Variants in STIM1 observed in about 807,000 individuals in gnomAD.
The protein encoded by STIM1 is stromal interaction molecule 1.
A neutral mutation model predicts 74.7 loss-of-function variants in STIM1; 25 were observed. That is an observed-to-expected ratio of 0.33 (90% confidence interval 0.24 to 0.47). The LOEUF (loss-of-function observed/expected upper bound fraction) is 0.47, where lower values mean the gene tolerates loss of function less well. Among genes scored for constraint, STIM1 ranks in the 20% least tolerant of loss-of-function variants. STIM1 has a pLI of 1.00. For missense variants in STIM1, 728 were observed against 920.8 expected, an observed-to-expected ratio of 0.79 and a Z score of 2.71; for synonymous variants, 328 against 348.8, an observed-to-expected ratio of 0.94 and a Z score of 0.66.
chr11:4,036,164 T>A (rs1028515344), intron 3 of STIM1, among the ~76,000 whole-genome samples: 1 of 152,234 alleles, frequency 6.6e-6, no homozygotes, highest in Non-Finnish European at 1.5e-5. Context: ...ACTCTATTCA[T>A]GTCCCTGCAA....
intron 1 of STIM1, among the ~76,000 whole-genome samples, chr11:3,879,297 A>G (rs2091413523): frequency 6.6e-6 from 1 of 152,156 alleles, no homozygotes; most frequent in South Asian, 2.1e-4. Context: ...TCCTCTGGCT[A>G]TGGCTTTCCA....
chr11:3,885,656 A>G (rs1188565828), intron 1 of STIM1, among the ~76,000 whole-genome samples: 1 of 151,854 alleles, frequency 6.6e-6, no homozygotes, highest in Non-Finnish European at 1.5e-5. Flanking sequence ...TATTTTTGAG[A>G]CAGGGACTCG....
At chr11:3,973,082 C>T in intron 2 of STIM1, 1 of 437,412 alleles carries the variant, frequency 2.3e-6, no homozygotes, top group Admixed American at 2.6e-5. Flanking sequence ...TTTCCATAAT[C>T]CTGCCTCCAC....
At chr11:4,039,249 GC>G (rs893787852) in intron 3 of STIM1, among the ~76,000 whole-genome samples, 6 of 152,124 alleles carry the variant, frequency 3.9e-5, no homozygotes, top group African/African-American at 1.4e-4. Context: ...CTATGGTCAT[GC>G]CACTGTACTT....
chr11:3,856,397 T>C lies in STIM1; in HGVS notation c.127T>C (p.Ser43Pro), dbSNP rs947448351. The C allele has an allele frequency of 1.9e-6, 3 of 1,613,848 alleles. No homozygotes were observed. The highest frequency in any genetic ancestry group is 8.5e-7 in the Non-Finnish European group (1 of 1,179,940). ...GTSSGANSEESTAAEFCRIDK... is the reference protein window; with the variant it reads ...GTSSGANSEEPTAAEFCRIDK... ...CAGCTCGGGGGCCAACTCTGAGGAGTCCACTGCAGCAGGTAAGGCCTTGCT... is the reference window on the plus strand; with the variant it reads ...CAGCTCGGGGGCCAACTCTGAGGAGCCCACTGCAGCAGGTAAGGCCTTGCT... Residue 43 changes from serine to proline, a missense_variant, in exon 1 of 13, where the codon TCC becomes CCC. This residue lies in a region of STIM1 where 62 missense variants were observed against 55.5 expected (regional missense o/e 1.12). Coordinates refer to ENST00000526596, the MANE Select transcript of STIM1 (RefSeq NM_001382567.1).
At chr11:4,042,181 C>G (rs1039723244) in intron 3 of STIM1, among the ~76,000 whole-genome samples, 21 of 152,358 alleles carry the variant, frequency 1.4e-4, no homozygotes, top group African/African-American at 4.8e-4. Context: ...TGGCACATCC[C>G]TGGATGTATT....
At chr11:3,876,961 T>C (rs901358450) in intron 1 of STIM1, among the ~76,000 whole-genome samples, 9 of 152,224 alleles carry the variant, frequency 5.9e-5, no homozygotes, top group African/African-American at 2.2e-4. Flanking sequence ...ATATTTGGGT[T>C]CTGCCCAGCC....
intron 1 of STIM1, among the ~76,000 whole-genome samples, chr11:3,901,487 C>G (rs905152738): frequency 1.3e-5 from 2 of 152,096 alleles, no homozygotes; most frequent in Non-Finnish European, 2.9e-5. Context: ...GGCCAGCTGT[C>G]CTTTAGTTGA....
At chr11:4,019,191 TA>T (rs2093932238) in intron 2 of STIM1, 1 of 152,214 alleles carries the variant, frequency 6.6e-6, no homozygotes, top group Admixed American at 6.5e-5. Context: ...GTACATAAAA[TA>T]AAAATGAAGA....
At chr11:4,074,727 GCAGGGGCC>G in intron 7 of STIM1, 48 bp downstream of exon 7, 1 of 1,543,674 alleles carries the variant, frequency 6.5e-7, no homozygotes, top group South Asian at 1.2e-5. Context: ...TGGGTAAAGG[GCAGGGGCC>G]CAGGGTCTGG....
intron 3 of STIM1, among the ~76,000 whole-genome samples, chr11:4,051,190 A>G (rs1051569587): frequency 6.6e-6 from 1 of 152,212 alleles, no homozygotes. Flanking sequence ...ACTATTTTGC[A>G]TCAACACACT....
At chr11:4,029,274 T>C (rs2094026606) in intron 3 of STIM1, among the ~76,000 whole-genome samples, 2 of 152,222 alleles carry the variant, frequency 1.3e-5, no homozygotes, top group African/African-American at 4.8e-5. Context: ...TGTGCTACTC[T>C]TTGGACGATA....
chr11:4,025,303 T>G (rs1361991423), intron 3 of STIM1, among the ~76,000 whole-genome samples: 3 of 152,182 alleles, frequency 2.0e-5, no homozygotes, highest in Non-Finnish European at 2.9e-5. Context: ...CTAATCCTGA[T>G]TATGGGATGG....
chr11:3,927,019 A>G (rs529176769), intron 1 of STIM1, among the ~76,000 whole-genome samples: 1 of 152,206 alleles, frequency 6.6e-6, no homozygotes, highest in Non-Finnish European at 1.5e-5. Context: ...GGAGAATGGC[A>G]TCTAACTTTT....
At chr11:3,899,278 A>G (rs1432945756) in intron 1 of STIM1, among the ~76,000 whole-genome samples, 6 of 152,086 alleles carry the variant, frequency 3.9e-5, no homozygotes, top group Admixed American at 3.3e-4. Flanking sequence ...CTTTGAAGCA[A>G]TTGTGAATGG....
chr11:4,008,202 A>G (rs539858128), intron 2 of STIM1, among the ~76,000 whole-genome samples: 1 of 152,122 alleles, frequency 6.6e-6, no homozygotes, highest in Non-Finnish European at 1.5e-5. Flanking sequence ...ACAACTCCCT[A>G]CAATATTGAG....
intron 2 of STIM1, among the ~76,000 whole-genome samples, chr11:4,005,030 G>A (rs1025560870): frequency 6.6e-6 from 1 of 152,096 alleles, no homozygotes; most frequent in African/African-American, 2.4e-5. Flanking sequence ...AAGCCACAAT[G>A]AGATAGCATC....
rs763785227 is a variant in STIM1, at chr11:4,093,016, C to T, written c.*1218C>T. ...CTATGGCTGTAAAGGTATTTTTCCTCTGCCCCACTCCCTGCCATACCTTTA... is the reference window on the plus strand; with the variant it reads ...CTATGGCTGTAAAGGTATTTTTCCTTTGCCCCACTCCCTGCCATACCTTTA... On this transcript the variant is annotated 3_prime_UTR_variant, in exon 13 of 13. Coordinates refer to ENST00000526596, the MANE Select transcript of STIM1 (RefSeq NM_001382567.1). 2.0e-5 allele frequency: 3 copies of T among 149,580 alleles called. No homozygotes were observed. The highest frequency in any genetic ancestry group is 4.5e-5 in the Non-Finnish European group (3 of 67,230). 9.3% of individuals were successfully genotyped at this position (149,580 alleles called of 1,614,324 possible). A position where few individuals can be genotyped will look rare whatever the true frequency, so the allele number is the denominator to read the frequency against.
intron 1 of STIM1, among the ~76,000 whole-genome samples, chr11:3,905,777 A>T (rs992535885): frequency 6.6e-6 from 1 of 152,166 alleles, no homozygotes; most frequent in African/African-American, 2.4e-5. Context: ...GAACTGCATG[A>T]TGTATTCTTT....
Sources: gnomAD v4.1 joint callset for allele counts (sites outside exome capture counted in the v4.1 genomes callset) on GRCh38, gnomAD v4.1.1 for gene constraint, gnomAD v4.1.1 regional missense constraint, MANE v1.5 for transcripts, NCBI Gene and HGNC (gene_info 2026-07-23, HGNC 2026-07-21) for gene names.